The following CCNJ variants were observed in gnomAD, a reference collection of about 807,000 sequenced individuals.
The protein encoded by CCNJ is cyclin-J.
In CCNJ, 12 loss-of-function variants were observed where a neutral mutation model predicts 41.4. That is an observed-to-expected ratio of 0.29 (90% CI 0.19 to 0.47). The LOEUF is 0.47. CCNJ is among the 20% of genes least tolerant of loss of function. The pLI, the probability that CCNJ is intolerant of heterozygous loss-of-function variation, is 1.00. For synonymous variants in CCNJ, 161 were observed against 173.4 expected (o/e 0.93, Z 0.56); for missense variants, 340 against 464.6 (o/e 0.73, Z 2.47).
chr10:96,055,160 A>G (rs978302127), intron 3 of CCNJ, among the ~76,000 whole-genome samples: 3 of 152,196 alleles, frequency 2.0e-5, no homozygotes, highest in African/African-American at 7.2e-5. Flanking sequence ...TTAATTAGGA[A>G]GGGCTATCTA....
intron 3 of CCNJ, among the ~76,000 whole-genome samples, chr10:96,054,746 G>A (rs1215679294): frequency 6.6e-6 from 1 of 152,096 alleles, no homozygotes; most frequent in Non-Finnish European, 1.5e-5. Context: ...CAGTGAAATT[G>A]GTCATATGCA....
At position 96,058,502 on chromosome 10, in the gene CCNJ, T is replaced by C. The variant is rs566081131; in HGVS notation, c.*261T>C. The C allele has an allele frequency of 1.0e-5, 5 of 498,118 alleles. No homozygotes were observed. Among genetic ancestry groups the C allele is most frequent in the Non-Finnish European group, 1.8e-5 (5 of 282,760 alleles). 30.9% of individuals were successfully genotyped at this position (498,118 alleles called of 1,614,324 possible). A position where few individuals can be genotyped will look rare whatever the true frequency, so the allele number is the denominator to read the frequency against. The stretch of plus-strand genomic sequence containing the variant: ...AGTCCTGGCTGATGGTCCAAATATT[T>C]CAAAAATATTCAGTACAACAGAAAA... On this transcript the variant is annotated 3_prime_UTR_variant, in exon 6 of 6. Transcript: ENST00000465148.
Position 96,059,692 on chromosome 10 carries a change from T to C in CCNJ, c.*1451T>C, listed in dbSNP as rs1313297590. On this transcript the variant is annotated 3_prime_UTR_variant, in exon 6 of 6. Coordinates refer to ENST00000465148, the MANE Select transcript of CCNJ (RefSeq NM_001134375.2). Reference sequence around the variant, plus strand: ...ATAGCACTTGAATAGAAGGGAAAACTGCATGGCAGATACGTGACTGCCACA... The same window carrying C: ...ATAGCACTTGAATAGAAGGGAAAACCGCATGGCAGATACGTGACTGCCACA... The C allele has an allele frequency of 1.3e-5, 2 of 152,604 alleles. No individual in the cohort carries two copies. The highest frequency in any genetic ancestry group is 2.9e-5 in the Non-Finnish European group (2 of 68,042). The allele number at this position is 152,604 out of a possible 1,614,324, so 9.5% of individuals were successfully genotyped here. A position where few individuals can be genotyped will look rare whatever the true frequency, so the allele number is the denominator to read the frequency against.
chr10:96,053,344 G>A (rs1591010562), intron 3 of CCNJ, among the ~76,000 whole-genome samples: 1 of 152,200 alleles, frequency 6.6e-6, no homozygotes, highest in African/African-American at 2.4e-5. Flanking sequence ...TTACAAAGTT[G>A]TTCTGGGATC....
intron 3 of CCNJ, among the ~76,000 whole-genome samples, chr10:96,050,796 A>G (rs546422653): frequency 6.6e-6 from 1 of 152,344 alleles, no homozygotes; most frequent in East Asian, 1.9e-4. Flanking sequence ...CCAATTGAGA[A>G]CCATTGTCTT....
intron 2 of CCNJ, among the ~76,000 whole-genome samples, chr10:96,046,167 T>C: frequency 6.6e-6 from 1 of 152,222 alleles, no homozygotes; most frequent in East Asian, 1.9e-4. Context: ...CCCAACCTTA[T>C]ACTCACTCAA....
chr10:96,057,025 G>A (rs1011479199), intron 4 of CCNJ, 25 bp downstream of exon 4: 12 of 1,612,682 alleles, frequency 7.4e-6, no homozygotes, highest in Non-Finnish European at 9.3e-6. Context: ...ATACCAGTAA[G>A]TGACTTGTGC....
intron 2 of CCNJ, among the ~76,000 whole-genome samples, chr10:96,048,771 G>A (rs2080436399): frequency 6.6e-6 from 1 of 152,112 alleles, no homozygotes. Flanking sequence ...ATTTTCTAAG[G>A]CTGAATAATA....
Position 96,050,175 on chromosome 10 carries a change from TG to T in CCNJ, c.70-79del. 21 of 946,416 alleles carry T rather than the reference TG, an allele frequency of 2.2e-5. 1 individual carries two copies. The South Asian group carries it at 2.8e-4, about 13-fold the overall frequency. The allele number at this position is 946,416 out of a possible 1,614,324, so 58.6% of individuals were successfully genotyped here. On this transcript the variant is annotated intron_variant, in intron 2 of 5. Transcript: ENST00000465148. Reference sequence around the variant, plus strand: ...TTAGGCACTTGTAATACTAATATATTGGAAAAACAATGTTAAGTCATTGCCT... The same window carrying T: ...TTAGGCACTTGTAATACTAATATATTGAAAAACAATGTTAAGTCATTGCCT...
At chr10:96,043,830 CCTTT>C (rs1252985830) in intron 1 of CCNJ, 111 bp downstream of exon 1, 2 of 384,242 alleles carry the variant, frequency 5.2e-6, no homozygotes, top group East Asian at 3.7e-5. Context: ...CTTTTGTTCC[CCTTT>C]CTGAGGCCGC....
intron 3 of CCNJ, 103 bp downstream of exon 3, chr10:96,050,569 C>T: frequency 1.2e-6 from 1 of 814,082 alleles, no homozygotes; most frequent in Non-Finnish European, 2.0e-6. Context: ...CCATTCATTC[C>T]AGTTCACTAG....
In CCNJ at chr10:96,049,851, T is replaced by TAG. The variant is rs201498033; in HGVS notation, c.70-404_70-403insGA. Among the ~76,000 whole-genome samples, 53 of 152,278 alleles carry TAG rather than the reference T, an allele frequency of 3.5e-4. 2 individuals carry two copies. The East Asian group carries it at 9.6e-3, about 28-fold the overall frequency. On this transcript the variant is annotated intron_variant, in intron 2 of 5. Transcript: ENST00000465148. ...TAATACTGTATGCAGCATATCCACTTATCTATTACCTTCTAACCAAAAGTT... is the reference window on the plus strand; with the variant it reads ...TAATACTGTATGCAGCATATCCACTTAGATCTATTACCTTCTAACCAAAAGTT...
chr10:96,045,738 AAATT>A (rs1181824299), intron 2 of CCNJ, among the ~76,000 whole-genome samples: 1 of 152,128 alleles, frequency 6.6e-6, no homozygotes, highest in Non-Finnish European at 1.5e-5. Flanking sequence ...TTTTTTAAAA[AAATT>A]AATATAGTTG....
At chr10:96,045,127 G>A (rs1045660486) in intron 2 of CCNJ, among the ~76,000 whole-genome samples, 5 of 152,166 alleles carry the variant, frequency 3.3e-5, no homozygotes, top group South Asian at 2.1e-4. Context: ...GCAGAAAGTA[G>A]ACTTAATAGA....
Position 96,057,155 on chromosome 10 carries a change from A to T in CCNJ, c.648A>T (p.Ile216=), listed in dbSNP as rs775859715. 6 of 1,614,034 alleles carry T rather than the reference A, an allele frequency of 3.7e-6. No homozygotes were observed. In the South Asian group the frequency reaches 6.6e-5, roughly 18 times the overall value. The change falls in exon 5 of 6, where the codon ATA becomes ATT. Residue 216 remains isoleucine, a synonymous_variant. Transcript: ENST00000465148. ...CATGTGTGGCTTCTTCGAGGATTAT[A>T]CTTCGTCTTTCTCCAACGTGGCCTA... The part of the protein sequence containing the change: ...AAACVASSRI[I]LRLSPTWPTR...
chr10:96,044,807 T>G (rs1211434622), intron 2 of CCNJ, among the ~76,000 whole-genome samples: 1 of 152,228 alleles, frequency 6.6e-6, no homozygotes, highest in African/African-American at 2.4e-5. Context: ...AGAGTTGCCG[T>G]TGCATGCAGC....
chr10:96,049,829 T>TA (rs2080474090), intron 2 of CCNJ, among the ~76,000 whole-genome samples: 1 of 152,194 alleles, frequency 6.6e-6, no homozygotes, highest in Admixed American at 6.5e-5. Context: ...GCAAGTATAA[T>TA]ACTGTATGCA....
At chr10:96,055,561 G>A (rs1465696661) in intron 3 of CCNJ, among the ~76,000 whole-genome samples, 2 of 152,170 alleles carry the variant, frequency 1.3e-5, no homozygotes, top group Non-Finnish European at 2.9e-5. Flanking sequence ...TATATGTAGA[G>A]ACAGTAAAAT....
chr10:96,046,211 C>T (rs1470545387), intron 2 of CCNJ, among the ~76,000 whole-genome samples: 1 of 152,200 alleles, frequency 6.6e-6, no homozygotes, highest in African/African-American at 2.4e-5. Context: ...CAAGGTAGCA[C>T]AGGGTGTGAA....
Sources: allele counts gnomAD v4.1 joint callset (sites outside exome capture counted in the v4.1 genomes callset), GRCh38; gene constraint gnomAD v4.1.1; transcripts MANE v1.5; gene names NCBI Gene and HGNC (gene_info 2026-07-23, HGNC 2026-07-21).